Variants in KLHL5 observed in about 807,000 individuals in gnomAD.
KLHL5 encodes kelch-like protein 5.
KLHL5 carries 48 observed loss-of-function variants against 77.7 expected under a neutral mutation model. The observed-to-expected ratio is 0.62, with a 90% CI of 0.49 to 0.79. The LOEUF is 0.79. Ranked by LOEUF, KLHL5 falls within the 30% of genes least tolerant of loss-of-function variation. The probability of loss-of-function intolerance (pLI) is 0.00; values close to 1 mark genes in which losing one functional copy is unlikely to be tolerated. For synonymous variants in KLHL5, 260 were observed against 297.0 expected, an observed-to-expected ratio of 0.88 and a Z score of 1.28; for missense variants, 723 against 859.7, an observed-to-expected ratio of 0.84 and a Z score of 1.99.
At chr4:39,063,743 G>A (rs1717637258) in intron 1 of KLHL5, 1 of 180,038 alleles carries the variant, frequency 5.6e-6, no homozygotes, top group Middle Eastern at 4.9e-4. Flanking sequence ...CTGGTGAAAA[G>A]GGGACAGGAA....
chr4:39,081,070 T>C lies in KLHL5; in HGVS notation c.567-33T>C. ...TTAATGAACATCAACTCGAATGTGGTCATTGATTTTTTTTTTCCTAATGTG... is the reference window on the plus strand; with the variant it reads ...TTAATGAACATCAACTCGAATGTGGCCATTGATTTTTTTTTTCCTAATGTG... On this transcript the variant is annotated intron_variant, in intron 2 of 10. Transcript: ENST00000504108. This position sits in a 1 kb window ranked among gnomAD's most constrained non-coding sequence, Gnocchi z 4.3. The C allele has an allele frequency of 1.9e-6, 3 of 1,573,018 alleles. No homozygotes were observed. The highest frequency in any genetic ancestry group is 2.6e-6 in the Non-Finnish European group (3 of 1,164,002).
At chr4:39,060,271 T>C (rs1227015844), upstream of KLHL5, among the ~76,000 whole-genome samples, 1 of 151,938 alleles carries the variant, frequency 6.6e-6, no homozygotes, top group Non-Finnish European at 1.5e-5. Context: ...TGGAGAGAGG[T>C]GTGAAAGGCT....
At chr4:39,109,786 T>G (rs1344713720) in intron 8 of KLHL5, among the ~76,000 whole-genome samples, 4 of 151,226 alleles carry the variant, frequency 2.6e-5, no homozygotes, top group Non-Finnish European at 4.4e-5. Context: ...TGAGTTCCAG[T>G]GATTCTCCTG....
chr4:39,075,799 C>T (rs1184358907), intron 1 of KLHL5, among the ~76,000 whole-genome samples, 166 bp from the exon 2 acceptor site: 1 of 152,176 alleles, frequency 6.6e-6, no homozygotes, highest in African/African-American at 2.4e-5. Context: ...TGACTTAAGG[C>T]ATCATTGATT....
At position 39,101,947 on chromosome 4, in the gene KLHL5, C is replaced by CAT. The variant is rs1188181663; in HGVS notation, c.1301-1332_1301-1331dup. Reference sequence around the variant, plus strand: ...ACATATATACACACATATATACACACATATATATACACACACATATATATG... The same window carrying CAT: ...ACATATATACACACATATATACACACATATATATATACACACACATATATATG... On this transcript the variant is annotated intron_variant, in intron 6 of 10. Transcript: ENST00000504108. 3.9e-5 allele frequency among the ~76,000 whole-genome samples: 3 copies of CAT among 76,932 alleles called. No homozygotes were observed. The Admixed American group carries it at 4.7e-4, about 12-fold the overall frequency. The allele number at this position is 76,932 out of a possible 152,430, so 50.5% of individuals were successfully genotyped here.
Position 39,124,248 on chromosome 4 carries a change from T to C in KLHL5, c.*3182T>C, listed in dbSNP as rs1371022999. On this transcript the variant is annotated 3_prime_UTR_variant, in exon 11 of 11. Transcript: ENST00000504108. ...TGGCATTACTCCCAAAATTAGTCTA[T>C]AGATTTAATACAATCCCCATTAAAA... 6.6e-6 allele frequency among the ~76,000 whole-genome samples: 1 copy of C among 152,184 alleles called. No individual in the cohort carries two copies. The highest frequency in any genetic ancestry group is 1.5e-5 in the Non-Finnish European group (1 of 68,028).
intron 1 of KLHL5, among the ~76,000 whole-genome samples, chr4:39,052,031 T>C (rs559605327): frequency 6.6e-6 from 1 of 152,334 alleles, no homozygotes; most frequent in East Asian, 1.9e-4. Context: ...ATACTTGTAT[T>C]ATCTGCAGTG....
rs569390156 is a variant in KLHL5 at position 39,052,756 on chromosome 4, G to C, written c.-95+7660G>C. Among the ~76,000 whole-genome samples the C allele has an allele frequency of 1.8e-4, 27 of 152,322 alleles. 1 individual carries two copies. The East Asian group carries it at 4.6e-3, about 26-fold the overall frequency. ...GCAGAAAGAAGGAATACTCAAGTCC[G>C]TGCTCCGCAGGAGTTTAGAATTGAT... On this transcript the variant is annotated intron_variant, in intron 1 of 11. Coordinates refer to the KLHL5 transcript ENST00000261425.
At chr4:39,045,095 C>T in exon 1 of KLHL5, 6 of 986,460 alleles carry the variant, frequency 6.1e-6, no homozygotes, top group Non-Finnish European at 7.2e-6. Flanking sequence ...GAGCCCGACG[C>T]GGTAAGTGCG....
chr4:39,092,984 C>G (rs1425258971), intron 5 of KLHL5: 1 of 408,978 alleles, frequency 2.4e-6, no homozygotes, highest in Non-Finnish European at 4.8e-6. Context: ...GCCATATGCC[C>G]CAGCAGTTCT....
chr4:39,106,057 G>A (rs1362465211), intron 7 of KLHL5, among the ~76,000 whole-genome samples: 3 of 151,992 alleles, frequency 2.0e-5, no homozygotes, highest in Non-Finnish European at 2.9e-5. Context: ...AATAAGATCC[G>A]AAGTCCTTAC....
downstream of KLHL5, among the ~76,000 whole-genome samples, chr4:39,128,181 A>G (rs1439971447): frequency 6.6e-6 from 1 of 152,202 alleles, no homozygotes; most frequent in Non-Finnish European, 1.5e-5. Context: ...AGCACTTAGC[A>G]CTTTATCTAT....
intron 4 of KLHL5, among the ~76,000 whole-genome samples, chr4:39,085,315 TG>T (rs1560422668): frequency 1.3e-5 from 2 of 152,186 alleles, no homozygotes; most frequent in African/African-American, 2.4e-5. Context: ...CTGATAGGAA[TG>T]TCAAGCTAAT....
chr4:39,069,455 TATATATATATATATATATACACACAC>T (rs1307859858), intron 1 of KLHL5, among the ~76,000 whole-genome samples: 3 of 36,446 alleles, frequency 8.2e-5, no homozygotes, highest in African/African-American at 2.9e-4. Flanking sequence ...TATATATATA[TATATATATATATATATATACACACAC>T]ACACACACAC....
At chr4:39,069,427 A>ATT (rs754463844) in intron 1 of KLHL5, among the ~76,000 whole-genome samples, 3 of 74,060 alleles carry the variant, frequency 4.1e-5, no homozygotes, top group East Asian at 3.4e-4. Flanking sequence ...CCCTATTAAC[A>ATT]TTTTATATAT....
intron 1 of KLHL5, among the ~76,000 whole-genome samples, chr4:39,075,196 T>TG (rs1718896232): frequency 6.6e-6 from 1 of 152,008 alleles, no homozygotes; most frequent in Non-Finnish European, 1.5e-5. Flanking sequence ...CTGGGCGTGG[T>TG]GGTGCAAGCC....
the KLHL5 span, among the ~76,000 whole-genome samples, chr4:39,138,202 C>T: frequency 6.6e-6 from 1 of 152,102 alleles, no homozygotes; most frequent in Non-Finnish European, 1.5e-5. Context: ...GGTGATTCCT[C>T]AAAGACCTAA....
At chr4:39,140,824 A>G in the KLHL5 span, among the ~76,000 whole-genome samples, 1 of 152,184 alleles carries the variant, frequency 6.6e-6, no homozygotes. Context: ...AATGATCCAT[A>G]CTTGTGACAT....
At chr4:39,111,192 C>T (rs1293685753) in intron 8 of KLHL5, among the ~76,000 whole-genome samples, 1 of 152,042 alleles carries the variant, frequency 6.6e-6, no homozygotes, top group African/African-American at 2.4e-5. Flanking sequence ...AACACAGAGA[C>T]GTAATTAATT....
Sources: allele counts gnomAD v4.1 joint callset (sites outside exome capture counted in the v4.1 genomes callset), GRCh38; gene constraint gnomAD v4.1.1; non-coding constraint Gnocchi (gnomAD v3.1); transcripts MANE v1.5; gene names NCBI Gene and HGNC (gene_info 2026-07-23, HGNC 2026-07-21).